UBA6: variants seen among roughly 807,000 people sequenced by gnomAD.
The protein encoded by UBA6 is ubiquitin-like modifier-activating enzyme 6.
A neutral mutation model predicts 148.3 loss-of-function variants in UBA6; 87 were observed. That is an observed-to-expected ratio of 0.59 (90% confidence interval 0.49 to 0.70). The LOEUF (loss-of-function observed/expected upper bound fraction) is 0.70, where lower values mean the gene tolerates loss of function less well. UBA6 is among the 30% of genes least tolerant of loss of function. The probability of loss-of-function intolerance (pLI) is 0.00; values close to 1 mark genes in which losing one functional copy is unlikely to be tolerated. For missense variants in UBA6, 1,186 were observed against 1,241.2 expected, an observed-to-expected ratio of 0.96 and a Z score of 0.67; for synonymous variants, 376 against 401.0, an observed-to-expected ratio of 0.94 and a Z score of 0.75.
chr4:67,668,790 T>G lies in UBA6; in HGVS notation c.670-116A>C, dbSNP rs956866796. The G allele has an allele frequency of 2.1e-5, 19 of 907,076 alleles. 1 individual carries two copies. Among genetic ancestry groups the G allele is most frequent in the South Asian group, 2.0e-4 (12 of 60,850 alleles). The allele number at this position is 907,076 out of a possible 1,614,324, so 56.2% of individuals were successfully genotyped here. A position where few individuals can be genotyped will look rare whatever the true frequency, so the allele number is the denominator to read the frequency against. On this transcript the variant is annotated intron_variant, in intron 8 of 32. Transcript: ENST00000322244. ...CATAAAATTCTCAAAACCGAAATTC[T>G]AAGCTATTCTTCTGTTAGTAAAAGC...
chr4:67,694,215 C>CAAAAAAA lies in UBA6; in HGVS notation c.134+2423_134+2429dup, dbSNP rs769649769. Among the ~76,000 whole-genome samples, 243 of 41,904 alleles carry CAAAAAAA rather than the reference C, an allele frequency of 5.8e-3. 1 individual carries two copies. The highest frequency in any genetic ancestry group is 0.036 in the Middle Eastern group (1 of 28). The allele number at this position is 41,904 out of a possible 152,430, so 27.5% of individuals were successfully genotyped here. On this transcript the variant is annotated intron_variant, in intron 2 of 32. Coordinates refer to ENST00000322244, the MANE Select transcript of UBA6 (RefSeq NM_018227.6). ...TGGATGACAGAGCAAGACTCCATCT[C>CAAAAAAA]AAAAAAAAAAAAAAAAAAAAAAAAA...
At chr4:67,683,614 T>C (rs1029119213) in intron 2 of UBA6, among the ~76,000 whole-genome samples, 2 of 151,898 alleles carry the variant, frequency 1.3e-5, no homozygotes, top group African/African-American at 4.8e-5. Flanking sequence ...TTACTGTTAG[T>C]GGATTCTATG....
chr4:67,637,003 C>G (rs1438013682), intron 19 of UBA6, among the ~76,000 whole-genome samples: 1 of 151,430 alleles, frequency 6.6e-6, no homozygotes, highest in South Asian at 2.1e-4. Context: ...TCTGCCCCAC[C>G]GCCCCATCTG....
At chr4:67,660,014 T>A (rs1405965899) in intron 13 of UBA6, among the ~76,000 whole-genome samples, 1 of 152,168 alleles carries the variant, frequency 6.6e-6, no homozygotes, top group African/African-American at 2.4e-5. Flanking sequence ...TGATTTAGGG[T>A]ATCTGGTAGA....
intron 9 of UBA6, among the ~76,000 whole-genome samples, chr4:67,667,121 A>G (rs1730018793): frequency 6.6e-6 from 1 of 152,100 alleles, no homozygotes; most frequent in South Asian, 2.1e-4. Flanking sequence ...GCAGCCTCAT[A>G]ATGTGAACTA....
At chr4:67,680,322 T>G (rs1382153624) in intron 4 of UBA6, among the ~76,000 whole-genome samples, 1 of 152,198 alleles carries the variant, frequency 6.6e-6, no homozygotes, top group Non-Finnish European at 1.5e-5. Flanking sequence ...AGAATATTAC[T>G]GTCTCCTGAT....
intron 9 of UBA6, among the ~76,000 whole-genome samples, chr4:67,666,036 GCT>G (rs1729988154): frequency 6.6e-6 from 1 of 152,080 alleles, no homozygotes; most frequent in South Asian, 2.1e-4. Context: ...AAAATATTAT[GCT>G]CTGTCTGGGC....
chr4:67,696,518 TAC>T (rs4058361), intron 2 of UBA6, 125 bp downstream of exon 2: 142,941 of 522,490 alleles, frequency 0.27, 9,689 homozygotes, highest in African/African-American at 0.29. Context: ...CATATATACA[TAC>T]ACACACACAC....
chr4:67,646,724 C>A lies in UBA6; in HGVS notation c.1316G>T (p.Arg439Leu), dbSNP rs140068938. 2 of 1,601,350 alleles carry A rather than the reference C, an allele frequency of 1.2e-6. No homozygotes were observed. Among genetic ancestry groups the A allele is most frequent in the Non-Finnish European group, 1.7e-6 (2 of 1,173,694 alleles). Residue 439 changes from arginine (R) to leucine (L), a missense_variant and splice_region_variant, in exon 15 of 33, where the codon CGA becomes CTA. Physicochemically the swap from Arg to Leu is moderately radical, Grantham distance 102. Coordinates refer to ENST00000322244, the MANE Select transcript of UBA6 (RefSeq NM_018227.6). ...AAAGCAAGAGAAATTTCATTATTAC[C>A]GTGGGAGAAATTCTTCACATTCAGG... The part of the protein sequence containing the change: ...GKPECEEFLP[R>L]GDRYDALRAC...
chr4:67,673,282 C>T lies in UBA6; in HGVS notation c.546+415G>A, dbSNP rs376076307. On this transcript the variant is annotated intron_variant, in intron 7 of 32. Coordinates refer to ENST00000322244, the MANE Select transcript of UBA6 (RefSeq NM_018227.6). ...ACAAAAAATTAGCTGGGCTTGGTGGCGGGTGCCTGTAAGATCCCAGCTACT... is the reference window on the plus strand; with the variant it reads ...ACAAAAAATTAGCTGGGCTTGGTGGTGGGTGCCTGTAAGATCCCAGCTACT... 3.6e-4 allele frequency among the ~76,000 whole-genome samples: 55 copies of T among 151,928 alleles called. 5 individuals carry two copies. Among genetic ancestry groups the T allele is most frequent in the Admixed American group, 2.2e-3 (33 of 15,248 alleles).
In UBA6 at chr4:67,625,895, C is replaced by T. The variant is rs77321296; in HGVS notation, c.2518+465G>A. Among the ~76,000 whole-genome samples the T allele has an allele frequency of 5.0e-3, 756 of 151,922 alleles. 8 individuals carry two copies. The highest frequency in any genetic ancestry group is 0.017 in the African/African-American group (710 of 41,474). ...AAGTATATATAGGTCATTCTGTATT[C>T]CCTGTCAGTAATTATGAACCTAATT... On this transcript the variant is annotated intron_variant, in intron 28 of 32. Coordinates refer to ENST00000322244, the MANE Select transcript of UBA6 (RefSeq NM_018227.6).
Position 67,635,467 on chromosome 4 carries a change from A to T in UBA6, c.1828T>A (p.Ser610Thr). ...GATTCACTTACATGACTATTGTAAG[A>T]CTCAGTCAAATGCGGTACAATAACT... ...TEVIVPHLTE[S>T]YNSHRDPPEE... is the part of the protein sequence containing the mutation. Residue 610 changes from serine to threonine, a missense_variant, in exon 20 of 33, where the codon TCT (serine) becomes ACT (threonine). Coordinates refer to ENST00000322244, the MANE Select transcript of UBA6 (RefSeq NM_018227.6). 1 of 1,589,652 alleles carries T rather than the reference A, an allele frequency of 6.3e-7. No homozygotes were observed. Among genetic ancestry groups the T allele is most frequent in the Non-Finnish European group, 8.6e-7 (1 of 1,158,302 alleles).
chr4:67,669,662 T>C (rs1311309869), intron 8 of UBA6, among the ~76,000 whole-genome samples: 1 of 152,100 alleles, frequency 6.6e-6, no homozygotes, highest in South Asian at 2.1e-4. Context: ...GGTTAGAAAA[T>C]TTAGACTTTT....
At chr4:67,677,447 T>C (rs1213138031) in intron 6 of UBA6, among the ~76,000 whole-genome samples, 164 bp downstream of exon 6, 1 of 152,214 alleles carries the variant, frequency 6.6e-6, no homozygotes. Context: ...GGTCCCTTCC[T>C]TAAAATGGAG....
intron 6 of UBA6, among the ~76,000 whole-genome samples, chr4:67,674,000 C>G (rs1261254699): frequency 6.6e-6 from 1 of 152,136 alleles, no homozygotes; most frequent in African/African-American, 2.4e-5. Flanking sequence ...ACACATAAAA[C>G]TTGATAACCA....
Position 67,615,854 on chromosome 4 carries a change from C to T in UBA6, c.*3143G>A, listed in dbSNP as rs1226767935. 3.6e-6 allele frequency: 1 copy of T among 277,802 alleles called. No homozygotes were observed. The highest frequency in any genetic ancestry group is 6.6e-6 in the Non-Finnish European group (1 of 150,382). 17.2% of individuals were successfully genotyped at this position (277,802 alleles called of 1,614,324 possible). On this transcript the variant is annotated 3_prime_UTR_variant, in exon 33 of 33. Coordinates refer to ENST00000322244, the MANE Select transcript of UBA6 (RefSeq NM_018227.6). ...ACTATAAAAACAAAGAGACAATTAT[C>T]ATACAAGGTAGGATAGTGGTAATTA...
chr4:67,657,901 T>C (rs746331595), intron 13 of UBA6, among the ~76,000 whole-genome samples: 16 of 151,444 alleles, frequency 1.1e-4, no homozygotes, highest in Non-Finnish European at 2.1e-4. Context: ...AATAGACACT[T>C]CTCAAAAGAA....
chr4:67,699,890 G>A (rs1730934912), intron 1 of UBA6, among the ~76,000 whole-genome samples: 1 of 152,178 alleles, frequency 6.6e-6, no homozygotes, highest in Admixed American at 6.5e-5. Context: ...AAGCGTTTGA[G>A]CCACTGCGCC....
intron 7 of UBA6, among the ~76,000 whole-genome samples, chr4:67,671,585 T>C (rs953487443): frequency 6.6e-6 from 1 of 152,168 alleles, no homozygotes; most frequent in African/African-American, 2.4e-5. Flanking sequence ...CTGTGCCCTA[T>C]TGTAAGTTCA....
Sources: allele counts gnomAD v4.1 joint callset (sites outside exome capture counted in the v4.1 genomes callset), GRCh38; gene constraint gnomAD v4.1.1; transcripts MANE v1.5; gene names NCBI Gene and HGNC (gene_info 2026-07-23, HGNC 2026-07-21).